Variants in NEK7 observed in about 807,000 individuals in gnomAD.
The protein encoded by NEK7 is NIMA related kinase 7, also known as serine/threonine-protein kinase Nek7.
A neutral mutation model predicts 44.6 loss-of-function variants in NEK7; 18 were observed. The ratio of observed to expected loss-of-function variants is 0.40; its 90% CI spans 0.28 to 0.60. The LOEUF (loss-of-function observed/expected upper bound fraction) is 0.60. Among genes scored for constraint, NEK7 ranks in the 20% least tolerant of loss-of-function variants. The probability of loss-of-function intolerance (pLI) is 0.38; values close to 1 mark genes in which losing one functional copy is unlikely to be tolerated. For synonymous variants in NEK7, 130 were observed against 121.1 expected, an observed-to-expected ratio of 1.07 and a Z score of -0.48; for missense variants, 256 against 366.5, an observed-to-expected ratio of 0.70 and a Z score of 2.46.
rs149610442 is a variant in NEK7, at chr1:198,162,890, T to C, written c.-29+5614T>C. ...AGGCTTGGGGGGTTATATTATGGACTACAAATAATGTGAGTTGCAAAAAGA... is the reference window on the plus strand; with the variant it reads ...AGGCTTGGGGGGTTATATTATGGACCACAAATAATGTGAGTTGCAAAAAGA... On this transcript the variant is annotated intron_variant, in intron 1 of 9. Transcript: ENST00000367385. Among the ~76,000 whole-genome samples the C allele has an allele frequency of 4.1e-4, 62 of 152,254 alleles. No individual in the cohort carries two copies. In the East Asian group the frequency reaches 0.011, roughly 27 times the overall value.
At chr1:198,257,771 T>C (rs910299900) in intron 3 of NEK7, among the ~76,000 whole-genome samples, 7 of 152,184 alleles carry the variant, frequency 4.6e-5, no homozygotes, top group African/African-American at 1.4e-4. Flanking sequence ...TTTTAATTAC[T>C]TGTACTTGCA....
intron 1 of NEK7, among the ~76,000 whole-genome samples, chr1:198,193,701 GATT>G (rs1665144378): frequency 6.6e-6 from 1 of 151,916 alleles, no homozygotes; most frequent in Non-Finnish European, 1.5e-5. Flanking sequence ...AGAACTAAAT[GATT>G]ATCTTAAGAG....
At chr1:198,240,521 T>G (rs961439521) in intron 2 of NEK7, among the ~76,000 whole-genome samples, 2 of 151,144 alleles carry the variant, frequency 1.3e-5, no homozygotes, top group East Asian at 3.9e-4. Context: ...AAAAGAAATA[T>G]GCTTTAATAA....
Position 198,260,284 on chromosome 1 carries a change from T to G in NEK7, c.199-2291T>G, listed in dbSNP as rs192858879. ...TGGTAATTTTTTTAACCCCTGCTAT[T>G]GGTGTCCATTTATATCTAGCTCATT... On this transcript the variant is annotated intron_variant, in intron 3 of 9. Transcript: ENST00000367385. Among the ~76,000 whole-genome samples the G allele has an allele frequency of 6.3e-3, 966 of 152,256 alleles. 7 individuals are homozygous for G. The highest frequency in any genetic ancestry group is 0.02 in the Middle Eastern group (6 of 294).
At chr1:198,302,831 G>A (rs771793546) in intron 9 of NEK7, among the ~76,000 whole-genome samples, 3 of 152,108 alleles carry the variant, frequency 2.0e-5, no homozygotes, top group Non-Finnish European at 4.4e-5. Context: ...AATGTTTAGA[G>A]CAAACACTGG....
At chr1:198,295,710 T>G (rs1197232956) in intron 8 of NEK7, among the ~76,000 whole-genome samples, 1 of 151,716 alleles carries the variant, frequency 6.6e-6, no homozygotes, top group African/African-American at 2.4e-5. Context: ...GTACATTTAC[T>G]TAAGGTTTTG....
chr1:198,162,390 T>C (rs948570807), intron 1 of NEK7, among the ~76,000 whole-genome samples: 3 of 152,240 alleles, frequency 2.0e-5, no homozygotes, highest in African/African-American at 4.8e-5. Flanking sequence ...TATCTGTGTT[T>C]ACCATGATGT....
intron 1 of NEK7, among the ~76,000 whole-genome samples, chr1:198,161,229 C>T (rs1664093391): frequency 6.6e-6 from 1 of 152,138 alleles, no homozygotes. Flanking sequence ...TAGTAGTCTT[C>T]TGTTGGTAGT....
intron 1 of NEK7, among the ~76,000 whole-genome samples, chr1:198,227,503 T>A (rs1341887334): frequency 6.6e-6 from 1 of 152,218 alleles, no homozygotes; most frequent in Non-Finnish European, 1.5e-5. Context: ...AAAGTGTTCC[T>A]ATTTCTCCAC....
At chr1:198,255,915 C>A (rs1419391379) in intron 3 of NEK7, among the ~76,000 whole-genome samples, 1 of 151,992 alleles carries the variant, frequency 6.6e-6, no homozygotes, top group Non-Finnish European at 1.5e-5. Flanking sequence ...AACAGGAAAA[C>A]CCATGGTTCT....
At chr1:198,210,937 A>G (rs1182212942) in intron 1 of NEK7, among the ~76,000 whole-genome samples, 1 of 151,216 alleles carries the variant, frequency 6.6e-6, no homozygotes, top group Non-Finnish European at 1.5e-5. Context: ...TATTTTTAGT[A>G]GAGACGGGGT....
chr1:198,295,010 A>T (rs1654669135), intron 8 of NEK7, among the ~76,000 whole-genome samples: 4 of 152,098 alleles, frequency 2.6e-5, no homozygotes, highest in Admixed American at 1.3e-4. Context: ...TACTATTAAC[A>T]ATGAAGACGT....
chr1:198,245,593 C>A (rs1666814512), intron 2 of NEK7, among the ~76,000 whole-genome samples: 1 of 152,160 alleles, frequency 6.6e-6, no homozygotes, highest in Admixed American at 6.5e-5. Flanking sequence ...GTTCACAGTG[C>A]ACTTGGGAAA....
chr1:198,259,074 G>A (rs1171914714), intron 3 of NEK7, among the ~76,000 whole-genome samples: 1 of 152,084 alleles, frequency 6.6e-6, no homozygotes, highest in African/African-American at 2.4e-5. Flanking sequence ...TGCTTTAGAT[G>A]TGCCATCAAT....
At chr1:198,272,884 G>C (rs981091754) in intron 5 of NEK7, among the ~76,000 whole-genome samples, 2 of 151,714 alleles carry the variant, frequency 1.3e-5, no homozygotes, top group African/African-American at 4.8e-5. Context: ...TTTTGGGGAA[G>C]TTTTGTGACT....
At chr1:198,295,907 C>CT (rs77339284) in intron 8 of NEK7, among the ~76,000 whole-genome samples, 20,909 of 151,352 alleles carry the variant, frequency 0.14, 2,130 homozygotes, top group East Asian at 0.58. Context: ...TTGTTTTTAA[C>CT]TTTTTTCTCG....
intron 1 of NEK7, among the ~76,000 whole-genome samples, chr1:198,190,689 G>A (rs951372744): frequency 4.0e-5 from 6 of 151,884 alleles, no homozygotes; most frequent in Non-Finnish European, 8.8e-5. Context: ...AATTGTTAAT[G>A]GAATTACAAA....
chr1:198,273,628 T>A (rs1653921841), intron 5 of NEK7, among the ~76,000 whole-genome samples: 1 of 151,790 alleles, frequency 6.6e-6, no homozygotes, highest in Admixed American at 6.6e-5. Flanking sequence ...ATGTTTGACC[T>A]AATTACAAAC....
chr1:198,179,511 A>G (rs1320992061), intron 1 of NEK7, among the ~76,000 whole-genome samples: 1 of 152,130 alleles, frequency 6.6e-6, no homozygotes, highest in Non-Finnish European at 1.5e-5. Flanking sequence ...AATACTCTAA[A>G]AAAAGGATTA....
Sources: allele counts gnomAD v4.1 joint callset (sites outside exome capture counted in the v4.1 genomes callset), GRCh38; gene constraint gnomAD v4.1.1; transcripts MANE v1.5; gene names NCBI Gene and HGNC (gene_info 2026-07-23, HGNC 2026-07-21).